Variants in CDH23 observed in about 807,000 individuals in gnomAD.
CDH23 encodes cadherin-23.
Under a neutral mutation model 317.1 loss-of-function variants are expected in CDH23, and 189 were observed. The ratio of observed to expected loss-of-function variants is 0.60; its 90% CI spans 0.53 to 0.67. The LOEUF is 0.67. Ranked by LOEUF, CDH23 falls within the 30% of genes least tolerant of loss-of-function variation. The pLI, the probability that CDH23 is intolerant of heterozygous loss-of-function variation, is 0.00. For synonymous variants in CDH23, 1,839 were observed against 1,876.8 expected, an observed-to-expected ratio of 0.98 and a Z score of 0.52; for missense variants, 4,401 against 4,592.4, an observed-to-expected ratio of 0.96 and a Z score of 1.20.
chr10:71,424,819 T>G (rs1374694377), intron 1 of CDH23, among the ~76,000 whole-genome samples: 1 of 152,190 alleles, frequency 6.6e-6, no homozygotes, highest in Non-Finnish European at 1.5e-5. Flanking sequence ...AAAAGCAGCA[T>G]GAGTCACATC....
chr10:71,716,257 C>T (rs1392064156), intron 28 of CDH23: 5 of 1,544,984 alleles, frequency 3.2e-6, no homozygotes, highest in Admixed American at 4.0e-5. Context: ...CTGCAAGGGT[C>T]CCGGGAGTGA....
chr10:71,604,123 A>G (rs977136658), intron 9 of CDH23, among the ~76,000 whole-genome samples: 1 of 152,118 alleles, frequency 6.6e-6, no homozygotes, highest in African/African-American at 2.4e-5. Context: ...GGGAATAACA[A>G]TAATAATGGA....
Position 71,397,841 on chromosome 10 carries a change from G to A in CDH23, c.-6+523G>A, listed in dbSNP as rs1196646725. On this transcript the variant is annotated intron_variant, in intron 1 of 69. Coordinates refer to ENST00000224721, the MANE Select transcript of CDH23 (RefSeq NM_022124.6). The surrounding 1 kb of genome is among the most constrained non-coding windows in gnomAD (Gnocchi z 4.8). ...CGTAGTTCTCCCCTCCCCTCATCAA[G>A]TCCCTGTGCCCGCGGGAGACCCCAG... Among the ~76,000 whole-genome samples, 8 of 152,084 alleles carry A rather than the reference G, an allele frequency of 5.3e-5. No individual in the cohort carries two copies. The highest frequency in any genetic ancestry group is 8.8e-5 in the Non-Finnish European group (6 of 67,994).
intron 3 of CDH23, chr10:71,508,208 A>G (rs912415688): frequency 2.6e-5 from 4 of 152,222 alleles, no homozygotes; most frequent in African/African-American, 9.7e-5. Context: ...TGTGTCTGGC[A>G]TATCATAAGA....
intron 31 of CDH23, 103 bp from the exon 32 acceptor site, chr10:71,731,884 T>G: frequency 7.7e-7 from 1 of 1,299,604 alleles, no homozygotes; most frequent in South Asian, 1.5e-5. Flanking sequence ...CAGCCCATGC[T>G]GGGTGGGCCA....
intron 9 of CDH23, among the ~76,000 whole-genome samples, chr10:71,607,375 T>A (rs1019349368): frequency 1.3e-5 from 2 of 152,262 alleles, no homozygotes; most frequent in African/African-American, 4.8e-5. Flanking sequence ...GATGATCGAG[T>A]GCAGGTTATT....
At chr10:71,557,439 G>A (rs931364076) in intron 6 of CDH23, among the ~76,000 whole-genome samples, 41 of 152,178 alleles carry the variant, frequency 2.7e-4, no homozygotes, top group Non-Finnish European at 3.4e-4. Context: ...GCTTGATGTG[G>A]GGTGGGCATT....
intron 11 of CDH23, among the ~76,000 whole-genome samples, chr10:71,624,880 G>T (rs1171439103): frequency 6.6e-6 from 1 of 152,026 alleles, no homozygotes; most frequent in African/African-American, 2.4e-5. Flanking sequence ...TCTCAACCTT[G>T]CACTTCTTGC....
intron 9 of CDH23, among the ~76,000 whole-genome samples, chr10:71,605,877 T>C (rs572241664): frequency 6.6e-6 from 1 of 152,332 alleles, no homozygotes; most frequent in Admixed American, 6.5e-5. Context: ...TTGAAGAAAT[T>C]CTCTCCATGG....
chr10:71,535,098 T>C (rs1855622812), intron 6 of CDH23, among the ~76,000 whole-genome samples: 1 of 152,228 alleles, frequency 6.6e-6, no homozygotes, highest in African/African-American at 2.4e-5. Flanking sequence ...GTCTTTTCCA[T>C]CCAGACTGCT....
chr10:71,540,099 A>G (rs1335015878), intron 6 of CDH23, among the ~76,000 whole-genome samples: 1 of 152,090 alleles, frequency 6.6e-6, no homozygotes, highest in African/African-American at 2.4e-5. Context: ...CTTTCTGCTC[A>G]CTAAGGATGT....
intron 1 of CDH23, among the ~76,000 whole-genome samples, chr10:71,434,433 A>G (rs1477536975): frequency 6.6e-6 from 1 of 152,190 alleles, no homozygotes; most frequent in Non-Finnish European, 1.5e-5. Flanking sequence ...AGATGTGCGC[A>G]GTGTGGCCAG....
chr10:71,398,270 C>T (rs923736409), intron 1 of CDH23, among the ~76,000 whole-genome samples: 4 of 152,196 alleles, frequency 2.6e-5, no homozygotes, highest in Admixed American at 2.0e-4. Flanking sequence ...AGTAATACTC[C>T]CCCATCCTCC....
At chr10:71,666,911 C>T (rs896019105) in intron 14 of CDH23, among the ~76,000 whole-genome samples, 5 of 152,262 alleles carry the variant, frequency 3.3e-5, no homozygotes, top group South Asian at 4.1e-4. Flanking sequence ...GCATTACCAG[C>T]GAAGCACCGG....
intron 17 of CDH23, among the ~76,000 whole-genome samples, 180 bp from the exon 18 acceptor site, chr10:71,682,265 G>T (rs753419306): frequency 7.9e-5 from 12 of 152,148 alleles, no homozygotes; most frequent in Non-Finnish European, 1.5e-4. Flanking sequence ...ACAGGGTCTG[G>T]CACATTTCAG....
intron 3 of CDH23, among the ~76,000 whole-genome samples, chr10:71,475,550 T>G (rs1370475235): frequency 1.3e-5 from 2 of 152,210 alleles, no homozygotes; most frequent in African/African-American, 4.8e-5. Flanking sequence ...CAGATTTGAC[T>G]ATAAATCTTC....
chr10:71,580,811 G>A (rs929663452), intron 9 of CDH23, among the ~76,000 whole-genome samples: 6 of 152,094 alleles, frequency 3.9e-5, no homozygotes, highest in Non-Finnish European at 7.4e-5. Context: ...ACCTAGGTAA[G>A]AAAGGTAGGT....
At chr10:71,797,684 G>T (rs1200522020) in intron 49 of CDH23, among the ~76,000 whole-genome samples, 1 of 152,212 alleles carries the variant, frequency 6.6e-6, no homozygotes, top group African/African-American at 2.4e-5. Flanking sequence ...TGCTTTGGGG[G>T]TGCAGGCACT....
chr10:71,552,182 T>G (rs1421264318), intron 6 of CDH23, among the ~76,000 whole-genome samples: 3 of 152,170 alleles, frequency 2.0e-5, no homozygotes, highest in African/African-American at 7.2e-5. Context: ...ATGAGAAAAC[T>G]GAGGCTCAGA....
Sources: gnomAD v4.1 joint callset for allele counts (sites outside exome capture counted in the v4.1 genomes callset) on GRCh38, gnomAD v4.1.1 for gene constraint, Gnocchi (gnomAD v3.1) non-coding constraint, MANE v1.5 for transcripts, NCBI Gene and HGNC (gene_info 2026-07-23, HGNC 2026-07-21) for gene names.